Variants in SPATA6 observed in about 807,000 individuals in gnomAD.
The protein encoded by SPATA6 is spermatogenesis associated 6.
Under a neutral mutation model 65.3 loss-of-function variants are expected in SPATA6, and 56 were observed. That is an observed-to-expected ratio of 0.86 (90% CI 0.69 to 1.07). The LOEUF (loss-of-function observed/expected upper bound fraction) is 1.07, where lower values mean the gene tolerates loss of function less well. Among genes scored for constraint, SPATA6 ranks in the 50% least tolerant of loss-of-function variants. SPATA6 has a pLI of 0.00. For synonymous variants in SPATA6, 199 were observed against 213.2 expected, an observed-to-expected ratio of 0.93 and a Z score of 0.58; for missense variants, 590 against 594.8, an observed-to-expected ratio of 0.99 and a Z score of 0.08.
chr1:48,434,084 A>T (rs756251813), intron 3 of SPATA6, among the ~76,000 whole-genome samples: 3 of 152,152 alleles, frequency 2.0e-5, no homozygotes, highest in Non-Finnish European at 4.4e-5. Context: ...ACATTTCCTA[A>T]TCACAAGATT....
chr1:48,442,197 C>A lies in SPATA6; in HGVS notation c.238+9355G>T, dbSNP rs144444012. ...AGTACTTGAAAGTAAGCCTCTTCCC[C>A]CAGGGACTGGCGCCCAGTTAGCAGA... On this transcript the variant is annotated intron_variant, in intron 3 of 12. Coordinates refer to ENST00000371847, the MANE Select transcript of SPATA6 (RefSeq NM_019073.4). Among the ~76,000 whole-genome samples the A allele has an allele frequency of 5.8e-3, 887 of 152,262 alleles. 7 individuals are homozygous for A. The highest frequency in any genetic ancestry group is 7.0e-3 in the Non-Finnish European group (475 of 68,012).
At chr1:48,420,197 G>A (rs1653192515) in intron 3 of SPATA6, among the ~76,000 whole-genome samples, 1 of 152,142 alleles carries the variant, frequency 6.6e-6, no homozygotes, top group Non-Finnish European at 1.5e-5. Flanking sequence ...CTAGCATGTG[G>A]AGGTTCCTGG....
intron 11 of SPATA6, among the ~76,000 whole-genome samples, chr1:48,346,107 C>G (rs973698607): frequency 6.6e-6 from 1 of 152,074 alleles, no homozygotes; most frequent in Non-Finnish European, 1.5e-5. Context: ...CTGAATCCAG[C>G]AGCTCATCAA....
At chr1:48,365,279 C>T (rs936824758) in intron 9 of SPATA6, among the ~76,000 whole-genome samples, 11 of 152,138 alleles carry the variant, frequency 7.2e-5, no homozygotes, top group East Asian at 5.8e-4. Context: ...CTTGGCGATG[C>T]GGGCTCTTTT....
At chr1:48,427,109 T>C (rs780933818) in intron 3 of SPATA6, among the ~76,000 whole-genome samples, 43 of 152,016 alleles carry the variant, frequency 2.8e-4, no homozygotes, top group Non-Finnish European at 4.7e-4. Flanking sequence ...ATTTTTTTTG[T>C]AGAGATGGGG....
At chr1:48,313,399 TAAAGA>T (rs1217214030) in intron 11 of SPATA6, among the ~76,000 whole-genome samples, 16 of 152,220 alleles carry the variant, frequency 1.1e-4, no homozygotes, top group Non-Finnish European at 1.9e-4. Context: ...TCAACATTCT[TAAAGA>T]AAAGAATTTT....
At chr1:48,283,635 C>A in the SPATA6 span, among the ~76,000 whole-genome samples, 1 of 130,142 alleles carries the variant, frequency 7.7e-6, no homozygotes, top group East Asian at 2.4e-4. Flanking sequence ...GTCGAGATCA[C>A]GCCACTGCAA....
chr1:48,385,239 T>C, intron 9 of SPATA6, 70 bp downstream of exon 9: 2 of 1,305,422 alleles, frequency 1.5e-6, no homozygotes, highest in Non-Finnish European at 2.1e-6. Flanking sequence ...GATATACATA[T>C]ATATGAAATA....
intron 5 of SPATA6, among the ~76,000 whole-genome samples, chr1:48,410,110 T>C (rs1652077781): frequency 2.0e-5 from 3 of 152,210 alleles, no homozygotes; most frequent in African/African-American, 4.8e-5. Flanking sequence ...CCTTTTGAAA[T>C]TGAATGCCTT....
chr1:48,271,334 G>A, the SPATA6 span, among the ~76,000 whole-genome samples: 2 of 152,036 alleles, frequency 1.3e-5, no homozygotes, highest in Admixed American at 6.6e-5. Context: ...AAAAATTTAA[G>A]AGTATCCATT....
chr1:48,403,685 A>C, intron 6 of SPATA6, 117 bp downstream of exon 6: 1 of 711,588 alleles, frequency 1.4e-6, no homozygotes, highest in Non-Finnish European at 2.3e-6. Context: ...TTCAACTAAA[A>C]ATTGACCCCC....
chr1:48,272,448 T>C, the SPATA6 span, among the ~76,000 whole-genome samples: 5 of 152,212 alleles, frequency 3.3e-5, no homozygotes, highest in Non-Finnish European at 5.9e-5. Context: ...TATTTTTCTG[T>C]GTCTTGCTTA....
chr1:48,302,113 G>A (rs1037650666), intron 12 of SPATA6, among the ~76,000 whole-genome samples: 23 of 152,092 alleles, frequency 1.5e-4, no homozygotes, highest in South Asian at 2.1e-4. Flanking sequence ...GATTCTTTCC[G>A]ATTCTTTGTT....
chr1:48,313,754 T>A (rs979807162), intron 11 of SPATA6, among the ~76,000 whole-genome samples: 26 of 151,974 alleles, frequency 1.7e-4, no homozygotes, highest in African/African-American at 6.0e-4. Context: ...ACTGGCAAAC[T>A]GGATAAAGAG....
intron 11 of SPATA6, among the ~76,000 whole-genome samples, chr1:48,339,288 T>A (rs1646143456): frequency 6.6e-6 from 1 of 152,046 alleles, no homozygotes; most frequent in African/African-American, 2.4e-5. Context: ...CTGACCCTGG[T>A]TCAGTCCCTT....
intron 9 of SPATA6, among the ~76,000 whole-genome samples, chr1:48,364,316 C>T (rs1034400857): frequency 2.0e-5 from 3 of 152,158 alleles, no homozygotes; most frequent in African/African-American, 7.2e-5. Context: ...GGTATATACC[C>T]AGTAATGGGA....
intron 3 of SPATA6, among the ~76,000 whole-genome samples, chr1:48,422,407 G>A (rs1653433405): frequency 6.6e-6 from 1 of 152,198 alleles, no homozygotes; most frequent in Admixed American, 6.5e-5. Context: ...AAGCTGAGCT[G>A]AGATTTTTAT....
intron 3 of SPATA6, among the ~76,000 whole-genome samples, chr1:48,418,302 G>C (rs1652971823): frequency 6.6e-6 from 1 of 151,956 alleles, no homozygotes; most frequent in African/African-American, 2.4e-5. Flanking sequence ...GTACTAATAT[G>C]AGTTTGGCTT....
At chr1:48,433,429 AATCTTATTTTGTAACTGTCTACT>A (rs1654591300) in intron 3 of SPATA6, among the ~76,000 whole-genome samples, 1 of 152,184 alleles carries the variant, frequency 6.6e-6, no homozygotes, top group Non-Finnish European at 1.5e-5. Context: ...CATACAATAT[AATCTTATTTTGTAACTGTCTACT>A]ATCTTATAGC....
Sources: allele counts gnomAD v4.1 joint callset (sites outside exome capture counted in the v4.1 genomes callset), GRCh38; gene constraint gnomAD v4.1.1; transcripts MANE v1.5; gene names NCBI Gene and HGNC (gene_info 2026-07-23, HGNC 2026-07-21).